The following ZNF778 variants were observed in gnomAD, a reference collection of about 807,000 sequenced individuals.
ZNF778 encodes the protein zinc finger protein 778.
ZNF778 carries 37 observed loss-of-function variants against 23.9 expected under a neutral mutation model. The ratio of observed to expected loss-of-function variants is 1.54; its 90% CI spans 1.19 to 2.03. The LOEUF is 2.03. Ranked by LOEUF, ZNF778 falls within the 30% of genes most tolerant of loss-of-function variation. ZNF778 has a pLI of 0.00. For missense variants in ZNF778, 1,297 were observed against 934.4 expected, an observed-to-expected ratio of 1.39 and a Z score of -5.06; for synonymous variants, 483 against 343.9, an observed-to-expected ratio of 1.40 and a Z score of -4.48.
chr16:89,227,249 T>A lies in ZNF778; in HGVS notation c.961T>A (p.Ser321Thr). Residue 321 changes from serine to threonine, a missense_variant, in exon 7 of 7, where the codon TCT becomes ACT. Physicochemically the swap from Ser to Thr is moderately conservative, Grantham distance 58. Coordinates refer to ENST00000433976, the MANE Select transcript of ZNF778 (RefSeq NM_001201407.2). ...AGAATGTGGAAAAGCCTCCCCTGTT[T>A]CTTCCAGCCTAACTCAACATGTAAG... The part of the protein sequence containing the change: ...LEECGKASPV[S>T]SSLTQHVRIH... 2 of 1,613,956 alleles carry A rather than the reference T, an allele frequency of 1.2e-6. No individual in the cohort carries two copies. The highest frequency in any genetic ancestry group is 1.6e-4 in the Middle Eastern group (1 of 6,062).
chr16:89,226,416 G>C (rs984619283), intron 6 of ZNF778, among the ~76,000 whole-genome samples: 27 of 152,206 alleles, frequency 1.8e-4, no homozygotes, highest in Middle Eastern at 3.4e-3. Context: ...TGTTGGTCAG[G>C]CTGGTCTTGA....
chr16:89,227,671 C>T lies in ZNF778; in HGVS notation c.1383C>T (p.Ser461=), dbSNP rs1275878621. 2 of 1,614,002 alleles carry T rather than the reference C, an allele frequency of 1.2e-6. No individual in the cohort carries two copies. The highest frequency in any genetic ancestry group is 1.7e-6 in the Non-Finnish European group (2 of 1,180,018). The change falls in exon 7 of 7, where the codon TCC becomes TCT. Residue 461 remains serine, a synonymous_variant. Transcript: ENST00000433976. The part of the protein sequence containing the change: ...CKDCGKAFCT[S]SGLTEHVRTH... The stretch of plus-strand genomic sequence containing the variant: ...ACTGCGGGAAAGCCTTCTGTACATC[C>T]TCGGGCCTTACTGAGCATGTAAGGA...
At chr16:89,223,792 C>T (rs1410270661) in intron 4 of ZNF778, among the ~76,000 whole-genome samples, 3 of 152,138 alleles carry the variant, frequency 2.0e-5, no homozygotes, top group Non-Finnish European at 4.4e-5. Context: ...CCTTTTGAAA[C>T]AATTTCACTG....
At chr16:89,226,651 A>C in intron 6 of ZNF778, 43 bp from the exon 7 acceptor site, 1 of 1,523,332 alleles carries the variant, frequency 6.6e-7, no homozygotes, top group East Asian at 2.3e-5. Context: ...TCTATGAATC[A>C]GCCTCAGTAA....
chr16:89,225,537 A>AT lies in ZNF778; in HGVS notation c.329-16dup, dbSNP rs11464538. The AT allele has an allele frequency of 0.87, 1,277,029 of 1,473,020 alleles. 555,572 individuals are homozygous for AT. Among genetic ancestry groups the AT allele is most frequent in the Non-Finnish European group, 0.9 (962,000 of 1,070,924 alleles). 91.2% of individuals were successfully genotyped at this position (1,473,020 alleles called of 1,614,324 possible). A position where few individuals can be genotyped will look rare whatever the true frequency, so the allele number is the denominator to read the frequency against. ...CAATGAGTTTGATCGTTTTTAGGTC[A>AT]TTCTTCTTTCTTTTCAGAATGGCGA... On this transcript the variant is annotated splice_polypyrimidine_tract_variant and intron_variant, in intron 5 of 6. Coordinates refer to ENST00000433976, the MANE Select transcript of ZNF778 (RefSeq NM_001201407.2).
chr16:89,228,259 C>T lies in ZNF778; in HGVS notation c.1971C>T (p.Ser657=), dbSNP rs200361239. The part of the protein sequence containing the change: ...CKECGKAFAS[S]SHLIEHRRTH... ...AGTGTGGGAAAGCCTTTGCTTCCTC[C>T]TCACACCTTATCGAACACAGAAGGA... The change falls in exon 7 of 7, where the codon TCC becomes TCT. Residue 657 remains serine, a synonymous_variant. Transcript: ENST00000433976. 1 of 1,605,606 alleles carries T rather than the reference C, an allele frequency of 6.2e-7. No individual in the cohort carries two copies. The highest frequency in any genetic ancestry group is 8.5e-7 in the Non-Finnish European group (1 of 1,173,286).
intron 5 of ZNF778, 132 bp from the exon 6 acceptor site, chr16:89,225,423 A>T: frequency 3.0e-6 from 2 of 663,896 alleles, no homozygotes; most frequent in Non-Finnish European, 5.1e-6. Flanking sequence ...CCCAGTTCCT[A>T]TGATTCCAAA....
chr16:89,228,634 G>T lies in ZNF778; in HGVS notation c.*72G>T. The T allele has an allele frequency of 6.6e-7, 1 of 1,519,010 alleles. No individual in the cohort carries two copies. The highest frequency in any genetic ancestry group is 1.4e-5 in the African/African-American group (1 of 71,860). 94.1% of individuals were successfully genotyped at this position (1,519,010 alleles called of 1,614,324 possible). On this transcript the variant is annotated 3_prime_UTR_variant, in exon 7 of 7. Coordinates refer to ENST00000433976, the MANE Select transcript of ZNF778 (RefSeq NM_001201407.2). ...GACATGAAAGACCTCTCGTTCTCCA[G>T]ATGTCCATGACTTGAGGAATGTGGC...
At position 89,227,181 on chromosome 16, in the gene ZNF778, G is replaced by A. The variant is rs1191222252; in HGVS notation, c.893G>A (p.Gly298Asp). 7 of 1,613,996 alleles carry A rather than the reference G, an allele frequency of 4.3e-6. No individual in the cohort carries two copies. Among genetic ancestry groups the A allele is most frequent in the African/African-American group, 1.3e-5 (1 of 75,052 alleles). The change falls in exon 7 of 7, where the codon GGT becomes GAT. Residue 298 changes from glycine to aspartate, a missense_variant. Gly to Asp is a moderately conservative substitution (Grantham distance 94, BLOSUM62 -1). Transcript: ENST00000433976. ...KAFRYTAYLT[G>D]RVQVHPGEKP... ...TTTAGGTACACTGCCTACCTTACTGGTCGCGTGCAAGTCCACCCTGGGGAA... is the reference window on the plus strand; with the variant it reads ...TTTAGGTACACTGCCTACCTTACTGATCGCGTGCAAGTCCACCCTGGGGAA...
chr16:89,229,280 G>A lies in ZNF778; in HGVS notation c.*718G>A, dbSNP rs1051535919. On this transcript the variant is annotated 3_prime_UTR_variant, in exon 7 of 7. Transcript: ENST00000433976. Reference sequence around the variant, plus strand: ...GAGCAGCGTAGGCTCTGGTTGGTTAGTCTTGAGGATCCAGATGTGATTCTG... The same window carrying A: ...GAGCAGCGTAGGCTCTGGTTGGTTAATCTTGAGGATCCAGATGTGATTCTG... 1.0e-6 allele frequency: 1 copy of A among 985,584 alleles called. No individual in the cohort carries two copies. Among genetic ancestry groups the A allele is most frequent in the Non-Finnish European group, 1.2e-6 (1 of 830,116 alleles). 61.1% of individuals were successfully genotyped at this position (985,584 alleles called of 1,614,324 possible).
rs1438963288 is a variant in ZNF778 at position 89,227,449 on chromosome 16, C to A, written c.1161C>A (p.His387Gln). 3 of 1,613,784 alleles carry A rather than the reference C, an allele frequency of 1.9e-6. No individual in the cohort carries two copies. The highest frequency in any genetic ancestry group is 2.5e-6 in the Non-Finnish European group (3 of 1,179,896). Residue 387 changes from histidine to glutamine, a missense_variant, in exon 7 of 7, where the codon CAC becomes CAA. By Grantham distance (24) the His-to-Gln change is conservative (BLOSUM62 0). Transcript: ENST00000433976. Reference sequence around the variant, plus strand: ...TACTGAATGAGCATGGAAAAACTCACACGAGGGAGAAGCCCTTTGCATGTG... The same window carrying A: ...TACTGAATGAGCATGGAAAAACTCAAACGAGGGAGAAGCCCTTTGCATGTG... ...FYLLNEHGKTHTREKPFACVV... is the reference protein window; with the variant it reads ...FYLLNEHGKTQTREKPFACVV...
chr16:89,225,378 A>G (rs2031381629), intron 5 of ZNF778, among the ~76,000 whole-genome samples, 177 bp from the exon 6 acceptor site: 1 of 151,972 alleles, frequency 6.6e-6, no homozygotes, highest in Non-Finnish European at 1.5e-5. Flanking sequence ...TTCTTTATGG[A>G]CCAAATGTAT....
intron 2 of ZNF778, 129 bp downstream of exon 2, chr16:89,221,281 C>A: frequency 9.2e-7 from 1 of 1,083,470 alleles, no homozygotes; most frequent in Non-Finnish European, 1.3e-6. Flanking sequence ...TGGAGTGAGC[C>A]AGAGAATGCT....
At chr16:89,226,559 C>A in intron 6 of ZNF778, 135 bp from the exon 7 acceptor site, 4 of 719,386 alleles carry the variant, frequency 5.6e-6, no homozygotes, top group Non-Finnish European at 9.0e-6. Flanking sequence ...AAGACATCTA[C>A]AGGGCAGGAG....
Position 89,232,566 on chromosome 16 carries a change from T to C in ZNF778, c.*4004T>C. The C allele has an allele frequency of 8.7e-7, 1 of 1,147,264 alleles. No homozygotes were observed. Among genetic ancestry groups the C allele is most frequent in the Admixed American group, 3.6e-5 (1 of 27,538 alleles). 71.1% of individuals were successfully genotyped at this position (1,147,264 alleles called of 1,614,324 possible). A position where few individuals can be genotyped will look rare whatever the true frequency, so the allele number is the denominator to read the frequency against. On this transcript the variant is annotated 3_prime_UTR_variant, in exon 7 of 7. Transcript: ENST00000433976. Reference sequence around the variant, plus strand: ...TTAGGGCAACTTATGCCCTCCTGTGTGAAAATCTCCACTCCCAATGTCTGA... The same window carrying C: ...TTAGGGCAACTTATGCCCTCCTGTGCGAAAATCTCCACTCCCAATGTCTGA...
At chr16:89,222,520 T>C (rs1290278695) in intron 3 of ZNF778, among the ~76,000 whole-genome samples, 1 of 152,340 alleles carries the variant, frequency 6.6e-6, no homozygotes, top group East Asian at 1.9e-4. Context: ...CCCACCAGCA[T>C]GCCTGGCTAA....
intron 2 of ZNF778, among the ~76,000 whole-genome samples, chr16:89,221,792 G>GTT (rs71939502): frequency 6.6e-6 from 1 of 150,606 alleles, no homozygotes; most frequent in African/African-American, 2.4e-5. Flanking sequence ...CTGTGTGTGT[G>GTT]TGTGTGTGTT....
chr16:89,223,007 G>A, intron 3 of ZNF778, 150 bp from the exon 4 acceptor site: 20 of 895,056 alleles, frequency 2.2e-5, no homozygotes, highest in South Asian at 3.8e-5. Context: ...GCGTGTGTGC[G>A]GGCAGAGAAG....
intron 4 of ZNF778, 131 bp downstream of exon 4, chr16:89,223,414 C>T (rs1388822626): frequency 2.3e-6 from 3 of 1,301,918 alleles, no homozygotes; most frequent in Non-Finnish European, 2.2e-6. Context: ...TGCTAGTAGG[C>T]TTGGTGCTAG....
Sources: gnomAD v4.1 joint callset for allele counts (sites outside exome capture counted in the v4.1 genomes callset) on GRCh38, gnomAD v4.1.1 for gene constraint, MANE v1.5 for transcripts, NCBI Gene and HGNC (gene_info 2026-07-23, HGNC 2026-07-21) for gene names.